DENND1A: variants seen among roughly 807,000 people sequenced by gnomAD.
The protein encoded by DENND1A is DENN domain containing 1A.
Under a neutral mutation model 113.7 loss-of-function variants are expected in DENND1A, and 51 were observed. That is an observed-to-expected ratio of 0.45 (90% CI 0.36 to 0.57). DENND1A has a LOEUF of 0.57. Ranked by LOEUF, DENND1A falls within the 20% of genes least tolerant of loss-of-function variation. The probability of loss-of-function intolerance (pLI) is 0.00; values close to 1 mark genes in which losing one functional copy is unlikely to be tolerated. For missense variants in DENND1A, 1,258 were observed against 1,395.9 expected, an observed-to-expected ratio of 0.90 and a Z score of 1.57; for synonymous variants, 565 against 570.8, an observed-to-expected ratio of 0.99 and a Z score of 0.14.
In DENND1A at chr9:123,651,866, A is replaced by G. The variant is rs2139410070; in HGVS notation, c.618+147T>C. The stretch of plus-strand genomic sequence containing the variant: ...ATGTGCATTGGCACTGTAAAAAAAA[A>G]AAAATGAACAATTAATGAAAATGAC... On this transcript the variant is annotated intron_variant, in intron 9 of 23. Transcript: ENST00000394215. 6.6e-6 allele frequency: 4 copies of G among 610,654 alleles called. No individual in the cohort carries two copies. The East Asian group carries it at 1.1e-4, about 18-fold the overall frequency. The allele number at this position is 610,654 out of a possible 1,614,324, so 37.8% of individuals were successfully genotyped here.
Position 123,696,188 on chromosome 9 carries a change from T to TA in DENND1A, c.303-19400dup, listed in dbSNP as rs1318798434. On this transcript the variant is annotated intron_variant, in intron 5 of 23. Transcript: ENST00000394215. ...CAATTACACGATTTCAGATTTTGTA[T>TA]AAAAAAATACAGCCATGTTTCTTTC... Among the ~76,000 whole-genome samples the TA allele has an allele frequency of 8.5e-5, 13 of 152,258 alleles. No homozygotes were observed. The East Asian group carries it at 2.5e-3, about 29-fold the overall frequency.
intron 1 of DENND1A, among the ~76,000 whole-genome samples, chr9:123,911,476 TAAC>T (rs1318243723): frequency 2.0e-5 from 3 of 152,200 alleles, no homozygotes; most frequent in Non-Finnish European, 4.4e-5. Flanking sequence ...AGAATATTCA[TAAC>T]AACTTTATTC....
intron 12 of DENND1A, among the ~76,000 whole-genome samples, chr9:123,559,242 C>T (rs1003811978): frequency 6.6e-6 from 1 of 152,106 alleles, no homozygotes; most frequent in Non-Finnish European, 1.5e-5. Flanking sequence ...GAGAGAAAGG[C>T]AGGGGCCTGA....
At chr9:123,580,048 G>A (rs1375261515) in intron 12 of DENND1A, among the ~76,000 whole-genome samples, 1 of 152,126 alleles carries the variant, frequency 6.6e-6, no homozygotes, top group Non-Finnish European at 1.5e-5. Flanking sequence ...ATAATTATCA[G>A]CAACAATTTT....
intron 10 of DENND1A, among the ~76,000 whole-genome samples, chr9:123,628,890 G>C (rs1170621652): frequency 2.0e-5 from 3 of 152,156 alleles, no homozygotes; most frequent in African/African-American, 7.2e-5. Context: ...GCACAAATAA[G>C]ATAACTCACC....
chr9:123,792,660 G>T, intron 2 of DENND1A, 30 bp from the exon 3 acceptor site: 1 of 1,611,020 alleles, frequency 6.2e-7, no homozygotes. Flanking sequence ...AATATTAATT[G>T]GCTTTGGATT....
chr9:123,437,471 C>T (rs1028067789), intron 19 of DENND1A, among the ~76,000 whole-genome samples: 3 of 152,254 alleles, frequency 2.0e-5, no homozygotes, highest in South Asian at 2.1e-4. Context: ...ACCGTCTCAA[C>T]GGTCTCCATC....
intron 20 of DENND1A, 89 bp from the exon 21 acceptor site, chr9:123,403,579 C>T (rs372500256): frequency 1.6e-6 from 2 of 1,231,010 alleles, no homozygotes; most frequent in East Asian, 2.5e-5. Context: ...AAACGGCCCC[C>T]CCAAAAAACG....
chr9:123,791,831 G>A (rs899737874), intron 3 of DENND1A, among the ~76,000 whole-genome samples: 2 of 152,154 alleles, frequency 1.3e-5, no homozygotes, highest in Non-Finnish European at 2.9e-5. Context: ...TTTCAAAGCT[G>A]CTTTAAAAAG....
At chr9:123,516,713 C>T (rs1416906802) in intron 13 of DENND1A, among the ~76,000 whole-genome samples, 3 of 151,300 alleles carry the variant, frequency 2.0e-5, no homozygotes, top group Non-Finnish European at 4.4e-5. Context: ...TGGTGAAATC[C>T]CATCTCTACT....
chr9:123,788,796 A>G (rs1832573445), intron 3 of DENND1A, among the ~76,000 whole-genome samples: 1 of 152,130 alleles, frequency 6.6e-6, no homozygotes. Context: ...AAGCTATGCA[A>G]ATCCAAAGTA....
At chr9:123,793,414 T>G (rs966476288) in intron 2 of DENND1A, among the ~76,000 whole-genome samples, 1 of 152,176 alleles carries the variant, frequency 6.6e-6, no homozygotes, top group Non-Finnish European at 1.5e-5. Flanking sequence ...CTATTAGCAT[T>G]CCATTTACTA....
intron 11 of DENND1A, among the ~76,000 whole-genome samples, chr9:123,601,161 C>T (rs1294940274): frequency 6.6e-6 from 1 of 152,176 alleles, no homozygotes; most frequent in Non-Finnish European, 1.5e-5. Context: ...CTCATCATTA[C>T]TGAGTTTTTC....
At chr9:123,797,456 C>G (rs1210823172) in intron 2 of DENND1A, among the ~76,000 whole-genome samples, 1 of 152,004 alleles carries the variant, frequency 6.6e-6, no homozygotes. Flanking sequence ...CAAATTTTCC[C>G]CAAAATACAC....
At chr9:123,847,160 A>AT (rs1228566363) in intron 2 of DENND1A, among the ~76,000 whole-genome samples, 1 of 152,194 alleles carries the variant, frequency 6.6e-6, no homozygotes, top group South Asian at 2.1e-4. Flanking sequence ...ATGGTTTTAA[A>AT]AGCAATTAGA....
chr9:123,735,584 T>C (rs1231399503), intron 5 of DENND1A, among the ~76,000 whole-genome samples: 3 of 152,232 alleles, frequency 2.0e-5, no homozygotes, highest in Non-Finnish European at 4.4e-5. Flanking sequence ...CCTGATATTC[T>C]AGAAATTGTC....
intron 2 of DENND1A, among the ~76,000 whole-genome samples, chr9:123,862,259 A>C (rs1845163167): frequency 6.6e-6 from 1 of 152,204 alleles, no homozygotes; most frequent in South Asian, 2.1e-4. Flanking sequence ...TTTTAGCAGG[A>C]ACATTTTATG....
chr9:123,484,874 C>A (rs537348921), intron 13 of DENND1A, among the ~76,000 whole-genome samples: 1 of 152,236 alleles, frequency 6.6e-6, no homozygotes, highest in East Asian at 1.9e-4. Flanking sequence ...ACTCTCCTCA[C>A]ACCCTCCCTA....
intron 2 of DENND1A, among the ~76,000 whole-genome samples, chr9:123,798,105 G>T (rs947112645): frequency 6.6e-6 from 1 of 152,118 alleles, no homozygotes; most frequent in Non-Finnish European, 1.5e-5. Flanking sequence ...TTTTAACCAT[G>T]AGTCTAGTCT....
Sources: gnomAD v4.1 joint callset for allele counts (sites outside exome capture counted in the v4.1 genomes callset) on GRCh38, gnomAD v4.1.1 for gene constraint, MANE v1.5 for transcripts, NCBI Gene and HGNC (gene_info 2026-07-23, HGNC 2026-07-21) for gene names.